The following ENTPD1 variants were observed in gnomAD, a reference collection of about 807,000 sequenced individuals.
ENTPD1 encodes ATP diphosphohydrolase.
A neutral mutation model predicts 57.0 loss-of-function variants in ENTPD1; 33 were observed. The ratio of observed to expected loss-of-function variants is 0.58; its 90% CI spans 0.44 to 0.77. The LOEUF (loss-of-function observed/expected upper bound fraction) is 0.77, where lower values mean the gene tolerates loss of function less well. Ranked by LOEUF, ENTPD1 falls within the 30% of genes least tolerant of loss-of-function variation. ENTPD1 has a pLI of 0.00. For synonymous variants in ENTPD1, 202 were observed against 218.8 expected, an observed-to-expected ratio of 0.92 and a Z score of 0.68; for missense variants, 501 against 603.4, an observed-to-expected ratio of 0.83 and a Z score of 1.78.
At chr10:95,846,972 G>C (rs141996309) in intron 6 of ENTPD1, among the ~76,000 whole-genome samples, 2 of 146,510 alleles carry the variant, frequency 1.4e-5, no homozygotes, top group East Asian at 2.0e-4. Flanking sequence ...CTGGGCGACA[G>C]AGCAAGACTC....
chr10:95,747,603 G>A (rs2098007467), intron 1 of ENTPD1, among the ~76,000 whole-genome samples: 2 of 152,136 alleles, frequency 1.3e-5, no homozygotes, highest in Admixed American at 1.3e-4. Flanking sequence ...TGTGGTTCCT[G>A]CTTGGTCACT....
intron 2 of ENTPD1, among the ~76,000 whole-genome samples, chr10:95,835,886 T>C (rs1342629177): frequency 2.6e-5 from 4 of 152,198 alleles, no homozygotes; most frequent in African/African-American, 9.7e-5. Flanking sequence ...GACTTAGTCA[T>C]AAATTCTTTC....
chr10:95,737,925 T>G (rs1334756424), intron 1 of ENTPD1, among the ~76,000 whole-genome samples: 4 of 152,270 alleles, frequency 2.6e-5, no homozygotes, highest in Admixed American at 2.0e-4. Flanking sequence ...AATGTTTGAC[T>G]TGTAAACGTA....
intron 2 of ENTPD1, among the ~76,000 whole-genome samples, chr10:95,836,524 C>T (rs999203834): frequency 6.6e-6 from 1 of 152,026 alleles, no homozygotes; most frequent in Admixed American, 6.6e-5. Flanking sequence ...GAAATGATCC[C>T]GAGGGAGTGT....
chr10:95,871,167 C>A lies in ENTPD1; in HGVS notation c.*4784C>A. ...TAAACAGTGGGAGGAATGGCAAAGT[C>A]ATATGGCCAAGGCCATGAGTGATTA... On this transcript the variant is annotated 3_prime_UTR_variant, in exon 10 of 10. Transcript: ENST00000371205. 2.0e-6 allele frequency: 2 copies of A among 985,446 alleles called. No homozygotes were observed. The highest frequency in any genetic ancestry group is 2.4e-6 in the Non-Finnish European group (2 of 829,932). The allele number at this position is 985,446 out of a possible 1,614,324, so 61.0% of individuals were successfully genotyped here.
chr10:95,833,912 G>A (rs2098403291), intron 2 of ENTPD1: 1 of 152,142 alleles, frequency 6.6e-6, no homozygotes, highest in Non-Finnish European at 1.5e-5. Flanking sequence ...CATTTAAGAG[G>A]GCAGAGTACT....
chr10:95,790,927 A>G (rs2098201330), intron 1 of ENTPD1, among the ~76,000 whole-genome samples: 1 of 152,210 alleles, frequency 6.6e-6, no homozygotes, highest in Admixed American at 6.5e-5. Flanking sequence ...GGCACGATTT[A>G]TCAATGATAT....
At chr10:95,806,277 T>C (rs2098272090) in intron 1 of ENTPD1, among the ~76,000 whole-genome samples, 1 of 152,242 alleles carries the variant, frequency 6.6e-6, no homozygotes, top group African/African-American at 2.4e-5. Context: ...TTCCACTTGA[T>C]CGAATCGGCT....
chr10:95,783,794 T>A (rs1773081082), intron 1 of ENTPD1, among the ~76,000 whole-genome samples: 2 of 152,000 alleles, frequency 1.3e-5, no homozygotes, highest in Non-Finnish European at 2.9e-5. Context: ...ATATTTGAAT[T>A]TATTTTTAGG....
chr10:95,846,778 C>T lies in ENTPD1; in HGVS notation c.814-668C>T, dbSNP rs11188505. Among the ~76,000 whole-genome samples the T allele has an allele frequency of 2.3e-3, 348 of 151,742 alleles. 2 individuals carry two copies. The highest frequency in any genetic ancestry group is 3.1e-3 in the Non-Finnish European group (210 of 67,868). Reference sequence around the variant, plus strand: ...CGAGGCGGGTGGATCACTTGAGGTCCGGAGTTCGAGACCAGCCTGACCAAC... The same window carrying T: ...CGAGGCGGGTGGATCACTTGAGGTCTGGAGTTCGAGACCAGCCTGACCAAC... On this transcript the variant is annotated intron_variant, in intron 6 of 9. Coordinates refer to ENST00000371205, the MANE Select transcript of ENTPD1 (RefSeq NM_001776.6).
Position 95,871,539 on chromosome 10 carries a change from C to T in ENTPD1, c.*5156C>T, listed in dbSNP as rs537597616. The T allele has an allele frequency of 2.5e-4, 246 of 985,344 alleles. 1 individual carries two copies. The African/African-American group carries it at 4.1e-3, about 16-fold the overall frequency. The allele number at this position is 985,344 out of a possible 1,614,324, so 61.0% of individuals were successfully genotyped here. A position where few individuals can be genotyped will look rare whatever the true frequency, so the allele number is the denominator to read the frequency against. On this transcript the variant is annotated 3_prime_UTR_variant, in exon 10 of 10. Coordinates refer to ENST00000371205, the MANE Select transcript of ENTPD1 (RefSeq NM_001776.6). ...TGCATACAAATCTAATACAACTGAA[C>T]ACAATCAGTTTTATCACAGGTATAA...
At chr10:95,856,016 A>T (rs1349435975) in intron 7 of ENTPD1, among the ~76,000 whole-genome samples, 3 of 152,166 alleles carry the variant, frequency 2.0e-5, no homozygotes, top group African/African-American at 7.2e-5. Context: ...CTCCTGGATA[A>T]TATCCCGCAG....
At chr10:95,852,872 T>C (rs370697529) in intron 7 of ENTPD1, among the ~76,000 whole-genome samples, 13 of 151,704 alleles carry the variant, frequency 8.6e-5, no homozygotes. Flanking sequence ...CGTGATGCCT[T>C]CAGCTTTGTT....
intron 7 of ENTPD1, among the ~76,000 whole-genome samples, chr10:95,859,999 T>G (rs2098462599): frequency 6.6e-6 from 1 of 152,134 alleles, no homozygotes; most frequent in African/African-American, 2.4e-5. Context: ...TAAAGATGGA[T>G]TTTTTAAAGG....
At chr10:95,738,038 G>T (rs2097996500) in intron 1 of ENTPD1, among the ~76,000 whole-genome samples, 2 of 152,208 alleles carry the variant, frequency 1.3e-5, no homozygotes, top group Admixed American at 6.5e-5. Context: ...GGACTTCTGG[G>T]TAGGGAGAAA....
chr10:95,743,249 G>A (rs528267411), intron 1 of ENTPD1, among the ~76,000 whole-genome samples: 19 of 152,234 alleles, frequency 1.2e-4, no homozygotes, highest in African/African-American at 2.9e-4. Flanking sequence ...GATTAGGCTC[G>A]AGTTATGCAC....
At chr10:95,829,520 G>A (rs12780375) in intron 2 of ENTPD1, among the ~76,000 whole-genome samples, 16,110 of 152,280 alleles carry the variant, frequency 0.11, 1,030 homozygotes, top group Middle Eastern at 0.22. Context: ...TGGGGCTGGA[G>A]TAAAAAGTTG....
chr10:95,777,633 C>A (rs1040988983), intron 1 of ENTPD1, among the ~76,000 whole-genome samples: 2 of 152,236 alleles, frequency 1.3e-5, no homozygotes, highest in Non-Finnish European at 2.9e-5. Flanking sequence ...AGTAGGCAGT[C>A]TGTCTGTTCT....
chr10:95,750,364 A>G (rs1012075646), intron 1 of ENTPD1, among the ~76,000 whole-genome samples: 2 of 152,158 alleles, frequency 1.3e-5, no homozygotes, highest in African/African-American at 2.4e-5. Flanking sequence ...CAGATCCCTC[A>G]TGAATGACTT....
Sources: allele counts gnomAD v4.1 joint callset (sites outside exome capture counted in the v4.1 genomes callset), GRCh38; gene constraint gnomAD v4.1.1; transcripts MANE v1.5; gene names NCBI Gene and HGNC (gene_info 2026-07-23, HGNC 2026-07-21).